Variants in PTPRD observed in about 807,000 individuals in gnomAD.
PTPRD encodes the protein protein tyrosine phosphatase receptor type D, also known as receptor-type tyrosine-protein phosphatase delta.
Under a neutral mutation model 214.5 loss-of-function variants are expected in PTPRD, and 34 were observed. The observed-to-expected ratio is 0.16, with a 90% CI of 0.12 to 0.21. The LOEUF (loss-of-function observed/expected upper bound fraction) is 0.21, where lower values mean the gene tolerates loss of function less well. Among genes scored for constraint, PTPRD ranks in the 10% least tolerant of loss-of-function variants. PTPRD has a pLI of 1.00. For missense variants in PTPRD, 2,545 were observed against 2,398.7 expected (o/e 1.06, Z -1.27); for synonymous variants, 1,128 against 845.7 (o/e 1.33, Z -5.79).
At chr9:9,639,583 T>C (rs552671031) in intron 7 of PTPRD, among the ~76,000 whole-genome samples, 35 of 152,322 alleles carry the variant, frequency 2.3e-4, no homozygotes, top group Non-Finnish European at 4.4e-5. Context: ...GTTATATTGT[T>C]TCTCTCATTC....
At chr9:8,756,541 T>G (rs959454903) in intron 11 of PTPRD, among the ~76,000 whole-genome samples, 1 of 152,184 alleles carries the variant, frequency 6.6e-6, no homozygotes, top group African/African-American at 2.4e-5. Flanking sequence ...TTGGCTACAG[T>G]GTTTACTTTT....
At chr9:8,366,675 T>TGTTA (rs112862556) in intron 39 of PTPRD, among the ~76,000 whole-genome samples, 13,302 of 152,238 alleles carry the variant, frequency 0.087, 629 homozygotes, top group Middle Eastern at 0.11. Flanking sequence ...TCATCTCATC[T>TGTTA]GTTATCTTTG....
intron 9 of PTPRD, among the ~76,000 whole-genome samples, chr9:9,365,900 A>G (rs1378296006): frequency 6.6e-6 from 1 of 151,596 alleles, no homozygotes; most frequent in African/African-American, 2.4e-5. Context: ...TAATTCATTC[A>G]TTAGAATTGT....
chr9:10,059,452 G>A (rs1197187820), intron 3 of PTPRD, among the ~76,000 whole-genome samples: 2 of 152,062 alleles, frequency 1.3e-5, no homozygotes, highest in Non-Finnish European at 2.9e-5. Flanking sequence ...ATTTCTTACA[G>A]TAATATGCAA....
chr9:10,183,653 T>TA (rs1178141292), intron 3 of PTPRD, among the ~76,000 whole-genome samples: 1 of 152,112 alleles, frequency 6.6e-6, no homozygotes, highest in East Asian at 1.9e-4. Context: ...GGCTGGAATT[T>TA]AAAAAGTAAA....
intron 6 of PTPRD, among the ~76,000 whole-genome samples, chr9:9,740,588 C>G (rs1056108520): frequency 1.1e-4 from 17 of 152,092 alleles, no homozygotes; most frequent in Non-Finnish European, 2.9e-5. Flanking sequence ...GTCTGGATCT[C>G]CTGCCCTCGT....
rs796911906 is a variant in PTPRD, at chr9:10,152,287, T to A, written c.-544-118497A>T. On this transcript the variant is annotated intron_variant, in intron 3 of 45. Coordinates refer to ENST00000381196, the MANE Select transcript of PTPRD (RefSeq NM_002839.4). ...GCCTAGTGAAAAATAATTTTGAATA[T>A]CTTTTTTATGTGGTTATATATTATC... Among the ~76,000 whole-genome samples the A allele has an allele frequency of 3.9e-5, 6 of 152,326 alleles. No individual in the cohort carries two copies. In the South Asian group the frequency reaches 1.2e-3, roughly 32 times the overall value.
chr9:8,449,888 A>C (rs754824370), intron 33 of PTPRD, 51 bp from the exon 34 acceptor site: 109 of 1,573,814 alleles, frequency 6.9e-5, no homozygotes, highest in Non-Finnish European at 8.2e-5. Context: ...CAATTGAAAC[A>C]GATAGAAAAG....
intron 3 of PTPRD, among the ~76,000 whole-genome samples, chr9:10,073,054 C>G (rs1284164764): frequency 6.6e-6 from 1 of 151,902 alleles, no homozygotes; most frequent in African/African-American, 2.4e-5. Context: ...GCTAAGTGAG[C>G]CAAACCAGTC....
chr9:9,282,210 G>T (rs1295613965), intron 9 of PTPRD, among the ~76,000 whole-genome samples: 1 of 151,216 alleles, frequency 6.6e-6, no homozygotes, highest in African/African-American at 2.4e-5. Context: ...AAAACCCATA[G>T]AATGCAGACA....
chr9:8,539,402 A>ATT (rs971406363), intron 14 of PTPRD, among the ~76,000 whole-genome samples: 5 of 152,008 alleles, frequency 3.3e-5, no homozygotes, highest in African/African-American at 1.2e-4. Flanking sequence ...TAATGCTCCC[A>ATT]TTTACATGAT....
chr9:9,137,413 C>T (rs1370330377), intron 10 of PTPRD, among the ~76,000 whole-genome samples: 1 of 152,112 alleles, frequency 6.6e-6, no homozygotes, highest in Admixed American at 6.5e-5. Flanking sequence ...TTACCAATAA[C>T]TTGCTTGGCA....
chr9:10,391,923 G>C (rs1169784409), intron 2 of PTPRD, among the ~76,000 whole-genome samples: 1 of 151,574 alleles, frequency 6.6e-6, no homozygotes, highest in East Asian at 2.0e-4. Context: ...TTTTTCTCCA[G>C]GTCATCACAA....
At chr9:10,420,003 A>C (rs549067818) in intron 2 of PTPRD, among the ~76,000 whole-genome samples, 4 of 151,796 alleles carry the variant, frequency 2.6e-5, no homozygotes, top group Non-Finnish European at 5.9e-5. Context: ...ATTGGAAAAA[A>C]ATATATAAAA....
intron 9 of PTPRD, among the ~76,000 whole-genome samples, chr9:9,199,201 T>C (rs1287851871): frequency 1.3e-5 from 2 of 152,174 alleles, no homozygotes; most frequent in East Asian, 1.9e-4. Flanking sequence ...TTGTAATATA[T>C]ATATAACTAA....
chr9:10,013,672 G>T (rs1246139726), intron 4 of PTPRD, among the ~76,000 whole-genome samples: 3 of 151,918 alleles, frequency 2.0e-5, no homozygotes, highest in Non-Finnish European at 2.9e-5. Flanking sequence ...ACACATGGAT[G>T]AAATACTTCA....
intron 31 of PTPRD, among the ~76,000 whole-genome samples, chr9:8,467,488 C>G (rs972695305): frequency 6.6e-6 from 1 of 151,734 alleles, no homozygotes; most frequent in Non-Finnish European, 1.5e-5. Flanking sequence ...ATAAGGATGG[C>G]TAATATTATC....
chr9:10,047,056 A>G (rs2154148518), intron 3 of PTPRD, among the ~76,000 whole-genome samples: 1 of 152,052 alleles, frequency 6.6e-6, no homozygotes, highest in African/African-American at 2.4e-5. Context: ...ATCTTTTTCT[A>G]TCTTGTATGA....
intron 12 of PTPRD, among the ~76,000 whole-genome samples, chr9:8,639,867 G>A (rs889459981): frequency 6.6e-6 from 1 of 152,216 alleles, no homozygotes; most frequent in African/African-American, 2.4e-5. Context: ...ATAGGTATGA[G>A]TGCCATTTCG....
Sources: gnomAD v4.1 joint callset for allele counts (sites outside exome capture counted in the v4.1 genomes callset) on GRCh38, gnomAD v4.1.1 for gene constraint, MANE v1.5 for transcripts, NCBI Gene and HGNC (gene_info 2026-07-23, HGNC 2026-07-21) for gene names.